SLC9A2: variants seen among roughly 807,000 people sequenced by gnomAD.
SLC9A2 encodes the protein sodium/hydrogen exchanger 2.
In SLC9A2, 42 loss-of-function variants were observed where a neutral mutation model predicts 71.7. The ratio of observed to expected loss-of-function variants is 0.59; its 90% confidence interval spans 0.46 to 0.76. SLC9A2 has a LOEUF of 0.76. Ranked by LOEUF, SLC9A2 falls within the 30% of genes least tolerant of loss-of-function variation. The pLI is 0.00. For missense variants in SLC9A2, 829 were observed against 1,017.4 expected, an observed-to-expected ratio of 0.81 and a Z score of 2.52; for synonymous variants, 396 against 392.5, an observed-to-expected ratio of 1.01 and a Z score of -0.10.
chr2:102,653,807 C>G (rs751893271), intron 1 of SLC9A2, among the ~76,000 whole-genome samples: 3 of 152,200 alleles, frequency 2.0e-5, no homozygotes, highest in Non-Finnish European at 2.9e-5. Context: ...TCCATGGATC[C>G]TATGGCTTCT....
At chr2:102,680,334 CTAGT>C (rs1341990717) in intron 3 of SLC9A2, among the ~76,000 whole-genome samples, 3 of 151,892 alleles carry the variant, frequency 2.0e-5, no homozygotes, top group Non-Finnish European at 4.4e-5. Flanking sequence ...TTTTTAAAGT[CTAGT>C]TAAACAAAAA....
chr2:102,656,237 C>G (rs188344200), intron 1 of SLC9A2, among the ~76,000 whole-genome samples: 1 of 151,870 alleles, frequency 6.6e-6, no homozygotes, highest in East Asian at 2.0e-4. Flanking sequence ...ACATCTCTCT[C>G]CTCTTTCCCT....
At chr2:102,708,018 C>A in intron 11 of SLC9A2, 101 bp from the exon 12 acceptor site, 6 of 1,284,762 alleles carry the variant, frequency 4.7e-6, no homozygotes, top group Non-Finnish European at 5.4e-6. Context: ...CTCCCCAGAG[C>A]CCCAGGACGT....
At chr2:102,657,535 G>C in intron 1 of SLC9A2, 29 bp from the exon 2 acceptor site, 1 of 1,501,488 alleles carries the variant, frequency 6.7e-7, no homozygotes. Context: ...CATAACCCAA[G>C]TTGTGTGTTT....
At chr2:102,634,962 A>G (rs1676440565) in intron 1 of SLC9A2, among the ~76,000 whole-genome samples, 1 of 152,114 alleles carries the variant, frequency 6.6e-6, no homozygotes, top group South Asian at 2.1e-4. Context: ...CCTCTGTGTT[A>G]TCAGGGTCCA....
rs781695822 is a variant in SLC9A2 at position 102,652,954 on chromosome 2, A to T, written c.290-4610A>T. On this transcript the variant is annotated intron_variant, in intron 1 of 11. Coordinates refer to ENST00000233969, the MANE Select transcript of SLC9A2 (RefSeq NM_003048.6). ...GGGAGGAAAAGCCATAAATGCATGC[A>T]CATTTGTAATGTTTTATTTATTTTA... Among the ~76,000 whole-genome samples, 62 of 152,208 alleles carry T rather than the reference A, an allele frequency of 4.1e-4. 1 individual carries two copies. The highest frequency in any genetic ancestry group is 1.4e-3 in the Admixed American group (21 of 15,278).
At chr2:102,652,366 C>T (rs1220547523) in intron 1 of SLC9A2, among the ~76,000 whole-genome samples, 1 of 152,110 alleles carries the variant, frequency 6.6e-6, no homozygotes, top group Admixed American at 6.5e-5. Context: ...GCTTAGCCCT[C>T]CCCTCTGCTC....
rs1465147282 is a variant in SLC9A2, at chr2:102,657,650, T to C, written c.376T>C (p.Phe126Leu). 3 of 1,614,178 alleles carry C rather than the reference T, an allele frequency of 1.9e-6. No individual in the cohort carries two copies. Among genetic ancestry groups the C allele is most frequent in the East Asian group, 4.5e-5 (2 of 44,890 alleles). Residue 126 changes from phenylalanine to leucine, a missense_variant, in exon 2 of 12, where the codon TTT (phenylalanine) becomes CTT (leucine). By Grantham distance (22) the Phe-to-Leu change is conservative. Around this residue, in one of 3 missense-constraint regions of SLC9A2, gnomAD observed 500 missense variants for 726.3 expected, o/e 0.69. Coordinates refer to ENST00000233969, the MANE Select transcript of SLC9A2 (RefSeq NM_003048.6). Reference sequence around the variant, plus strand: ...TGGACTTCTACTAGGTGGGATTATTTTTGGTGTTGATGAGAAGTCTCCCCC... The same window carrying C: ...TGGACTTCTACTAGGTGGGATTATTCTTGGTGTTGATGAGAAGTCTCCCCC... Reference protein sequence around the residue: ...MVGLLLGGIIFGVDEKSPPAM... With the variant: ...MVGLLLGGIILGVDEKSPPAM...
At chr2:102,648,532 T>C (rs1396584497) in intron 1 of SLC9A2, among the ~76,000 whole-genome samples, 7 of 152,166 alleles carry the variant, frequency 4.6e-5, no homozygotes, top group African/African-American at 1.7e-4. Context: ...GGTATTCAAA[T>C]AGGAAAAGAG....
At chr2:102,696,977 AGCCAGTAGAACAGAACTTTTT>A (rs1677779845) in intron 7 of SLC9A2, among the ~76,000 whole-genome samples, 1 of 152,176 alleles carries the variant, frequency 6.6e-6, no homozygotes, top group African/African-American at 2.4e-5. Context: ...ATCTGTGCTA[AGCCAGTAGAACAGAACTTTTT>A]GCCTCTCTTC....
chr2:102,629,792 C>T (rs1676323614), intron 1 of SLC9A2, among the ~76,000 whole-genome samples: 1 of 152,084 alleles, frequency 6.6e-6, no homozygotes, highest in African/African-American at 2.4e-5. Flanking sequence ...CTGCTCACAT[C>T]TCAGATACAT....
At chr2:102,656,387 C>G (rs963408782) in intron 1 of SLC9A2, among the ~76,000 whole-genome samples, 3 of 152,336 alleles carry the variant, frequency 2.0e-5, no homozygotes, top group East Asian at 1.9e-4. Context: ...CTTTTAAGCC[C>G]TGCCCACATA....
At chr2:102,633,183 C>G (rs1247655317) in intron 1 of SLC9A2, among the ~76,000 whole-genome samples, 2 of 152,092 alleles carry the variant, frequency 1.3e-5, no homozygotes, top group Non-Finnish European at 2.9e-5. Flanking sequence ...CATGGTAATT[C>G]TGGAAGGTAG....
chr2:102,688,501 G>A (rs1252321097), intron 5 of SLC9A2, among the ~76,000 whole-genome samples: 4 of 152,200 alleles, frequency 2.6e-5, no homozygotes, highest in East Asian at 3.9e-4. Flanking sequence ...AGGCCAAGGC[G>A]GGTGGATCAC....
chr2:102,683,834 C>T (rs1218364295), intron 4 of SLC9A2, among the ~76,000 whole-genome samples: 3 of 152,052 alleles, frequency 2.0e-5, no homozygotes, highest in South Asian at 2.1e-4. Context: ...TTCTCTGTCT[C>T]TTGCTCTTCC....
rs138960302 is a variant in SLC9A2, at chr2:102,635,056, G to A, written c.289+14919G>A. Among the ~76,000 whole-genome samples the A allele has an allele frequency of 1.6e-4, 25 of 152,308 alleles. No individual in the cohort carries two copies. In the East Asian group the frequency reaches 4.4e-3, roughly 27 times the overall value. On this transcript the variant is annotated intron_variant, in intron 1 of 11. Transcript: ENST00000233969. ...GCCTTTTGTGCTTTTTGTACAAATA[G>A]TGTTTCTTTCAGAATCTAGATTGGA...
At chr2:102,626,074 T>C (rs1192048775) in intron 1 of SLC9A2, among the ~76,000 whole-genome samples, 1 of 152,126 alleles carries the variant, frequency 6.6e-6, no homozygotes, top group Non-Finnish European at 1.5e-5. Context: ...ATGGCTACTT[T>C]AAAGTTCATA....
rs544363749 is a variant in SLC9A2, at chr2:102,704,404, T to G, written c.1846-140T>G. 44 of 580,032 alleles carry G rather than the reference T, an allele frequency of 7.6e-5. No individual in the cohort carries two copies. In the South Asian group the frequency reaches 9.1e-4, roughly 12 times the overall value. The allele number at this position is 580,032 out of a possible 1,614,324, so 35.9% of individuals were successfully genotyped here. A position where few individuals can be genotyped will look rare whatever the true frequency, so the allele number is the denominator to read the frequency against. ...GTTAACTTTTATACTGTTAATTTAA[T>G]TTTTTGCTCTGCACAGAAGTTATAA... On this transcript the variant is annotated intron_variant, in intron 9 of 11. Transcript: ENST00000233969.
At chr2:102,620,237 T>G in intron 1 of SLC9A2, 100 bp downstream of exon 1, 2 of 989,456 alleles carry the variant, frequency 2.0e-6, no homozygotes, top group Non-Finnish European at 2.9e-6. Context: ...AGTGACCGCC[T>G]CATCTTGAAT....
Sources: gnomAD v4.1 joint callset for allele counts (sites outside exome capture counted in the v4.1 genomes callset) on GRCh38, gnomAD v4.1.1 for gene constraint, gnomAD v4.1.1 regional missense constraint, MANE v1.5 for transcripts, NCBI Gene and HGNC (gene_info 2026-07-23, HGNC 2026-07-21) for gene names.